Variants in GRXCR2 observed in about 807,000 individuals in gnomAD.
The protein encoded by GRXCR2 is glutaredoxin and cysteine rich domain containing 2.
A neutral mutation model predicts 24.8 loss-of-function variants in GRXCR2; 23 were observed. That is an observed-to-expected ratio of 0.93 (90% CI 0.67 to 1.32). The LOEUF (loss-of-function observed/expected upper bound fraction) is 1.32, where lower values mean the gene tolerates loss of function less well. GRXCR2 is among the 40% of genes most tolerant of loss of function. The pLI is 0.00. For synonymous variants in GRXCR2, 130 were observed against 116.1 expected, an observed-to-expected ratio of 1.12 and a Z score of -0.77; for missense variants, 315 against 303.4, an observed-to-expected ratio of 1.04 and a Z score of -0.28.
chr5:145,905,464 A>G (rs1757079345), intron 2 of GRXCR2, among the ~76,000 whole-genome samples: 1 of 152,244 alleles, frequency 6.6e-6, no homozygotes, highest in Non-Finnish European at 1.5e-5. Context: ...TTAGAGATGT[A>G]CTATGTACAC....
intron 2 of GRXCR2, among the ~76,000 whole-genome samples, chr5:145,894,687 C>G (rs913863645): frequency 6.6e-6 from 1 of 152,132 alleles, no homozygotes; most frequent in Non-Finnish European, 1.5e-5. Flanking sequence ...GATTCACAGC[C>G]GAATTCTACC....
At chr5:145,925,742 T>C (rs1757385000) in intron 2 of GRXCR2, among the ~76,000 whole-genome samples, 1 of 152,140 alleles carries the variant, frequency 6.6e-6, no homozygotes, top group African/African-American at 2.4e-5. Context: ...AATACATAAT[T>C]AACACCATCA....
rs3995499 is a variant in GRXCR2, at chr5:145,900,527, CAT to C, written c.-69-33801_-69-33800del. 7.1e-3 allele frequency among the ~76,000 whole-genome samples: 1,076 copies of C among 152,244 alleles called. 9 individuals carry two copies. Among genetic ancestry groups the C allele is most frequent in the African/African-American group, 0.022 (918 of 41,558 alleles). ...AGAAGACATACAAGCAGCAAGCAAA[CAT>C]GTGAAAAAATGCTCATTCTCACTAA... On this transcript the variant is annotated intron_variant, in intron 2 of 3. Coordinates refer to the GRXCR2 transcript ENST00000639411.
chr5:145,872,034 G>A lies in GRXCR2; in HGVS notation c.336+599C>T, dbSNP rs193003150. On this transcript the variant is annotated intron_variant, in intron 1 of 2. Transcript: ENST00000377976. ...CATAGATTAAACACATTCTTCAATC[G>A]AACCATTAGCTCAAACTTCTTCCTC... Among the ~76,000 whole-genome samples, 31 of 152,238 alleles carry A rather than the reference G, an allele frequency of 2.0e-4. 1 individual carries two copies. In the South Asian group the frequency reaches 2.7e-3, roughly 13 times the overall value.
intron 2 of GRXCR2, among the ~76,000 whole-genome samples, chr5:145,878,030 C>T (rs1001291278): frequency 6.6e-6 from 1 of 152,154 alleles, no homozygotes; most frequent in Admixed American, 6.5e-5. Flanking sequence ...ACACCAAAAC[C>T]CCATCTGTAG....
intron 2 of GRXCR2, among the ~76,000 whole-genome samples, chr5:145,866,111 G>A (rs1756425318): frequency 7.2e-6 from 1 of 138,654 alleles, no homozygotes; most frequent in Non-Finnish European, 1.5e-5. Context: ...TCCTGCCCAG[G>A]CAAAAAGAGT....
intron 2 of GRXCR2, among the ~76,000 whole-genome samples, chr5:145,878,399 T>C (rs747755371): frequency 6.6e-5 from 10 of 152,114 alleles, no homozygotes; most frequent in Non-Finnish European, 1.3e-4. Context: ...TCATGACACA[T>C]GCACAAGCTT....
At chr5:145,882,751 A>C (rs1459817435) in intron 2 of GRXCR2, among the ~76,000 whole-genome samples, 2 of 152,196 alleles carry the variant, frequency 1.3e-5, no homozygotes, top group Non-Finnish European at 2.9e-5. Flanking sequence ...TATTCACAAT[A>C]GCTAAGACTT....
chr5:145,897,817 G>A (rs1437934053), intron 2 of GRXCR2, among the ~76,000 whole-genome samples: 2 of 151,980 alleles, frequency 1.3e-5, no homozygotes, highest in African/African-American at 4.8e-5. Context: ...TGCAGCAAAG[G>A]CAGTGTTAAG....
intron 2 of GRXCR2, among the ~76,000 whole-genome samples, chr5:145,883,570 G>A (rs1323507398): frequency 6.6e-6 from 1 of 152,122 alleles, no homozygotes; most frequent in Non-Finnish European, 1.5e-5. Flanking sequence ...ATTGTACCCA[G>A]CTGCAAAAAA....
chr5:145,882,244 T>G (rs548034244), intron 2 of GRXCR2, among the ~76,000 whole-genome samples: 1 of 152,084 alleles, frequency 6.6e-6, no homozygotes, highest in East Asian at 1.9e-4. Context: ...ACCTACAGAA[T>G]GGGAGAAAAT....
intron 1 of GRXCR2, among the ~76,000 whole-genome samples, chr5:145,869,866 T>C (rs1217865413): frequency 1.3e-5 from 2 of 152,082 alleles, no homozygotes; most frequent in Non-Finnish European, 2.9e-5. Context: ...CTGAGCTTCT[T>C]ATGTGTTATC....
intron 2 of GRXCR2, among the ~76,000 whole-genome samples, chr5:145,893,106 C>T (rs1432976102): frequency 2.6e-5 from 4 of 152,152 alleles, no homozygotes; most frequent in Non-Finnish European, 4.4e-5. Flanking sequence ...ACCACCAGGC[C>T]TGCCTTACAA....
chr5:145,860,388 A>G (rs1180272966), intron 2 of GRXCR2, among the ~76,000 whole-genome samples: 1 of 152,214 alleles, frequency 6.6e-6, no homozygotes, highest in Admixed American at 6.5e-5. Context: ...GCAGATGGGA[A>G]AATGAGATAC....
At chr5:145,873,197 T>A (rs1367465444), upstream of GRXCR2, among the ~76,000 whole-genome samples, 2 of 152,198 alleles carry the variant, frequency 1.3e-5, no homozygotes, top group African/African-American at 2.4e-5. Context: ...TAAGACAAGA[T>A]TGATTCTTCT....
At chr5:145,862,215 A>C (rs1756350588) in intron 2 of GRXCR2, among the ~76,000 whole-genome samples, 1 of 152,226 alleles carries the variant, frequency 6.6e-6, no homozygotes. Context: ...CATGTGATCC[A>C]AAAATTCATT....
intron 2 of GRXCR2, among the ~76,000 whole-genome samples, chr5:145,887,685 G>A (rs1175799918): frequency 6.6e-6 from 1 of 152,176 alleles, no homozygotes; most frequent in African/African-American, 2.4e-5. Context: ...GGAGTGGGGA[G>A]CTTAGCTTTG....
At chr5:145,869,173 G>T (rs1055363875) in intron 1 of GRXCR2, among the ~76,000 whole-genome samples, 4 of 152,220 alleles carry the variant, frequency 2.6e-5, no homozygotes, top group Non-Finnish European at 5.9e-5. Context: ...ACAGACCTGA[G>T]TTCAGATTGT....
At chr5:145,871,213 A>T (rs530186017) in intron 1 of GRXCR2, among the ~76,000 whole-genome samples, 77 of 152,362 alleles carry the variant, frequency 5.1e-4, no homozygotes, top group African/African-American at 1.7e-3. Flanking sequence ...TAAATCTACA[A>T]ATAAGACATA....
Sources: allele counts gnomAD v4.1 joint callset (sites outside exome capture counted in the v4.1 genomes callset), GRCh38; gene constraint gnomAD v4.1.1; transcripts MANE v1.5; gene names NCBI Gene and HGNC (gene_info 2026-07-23, HGNC 2026-07-21).